DIS3L2: variants seen among roughly 807,000 people sequenced by gnomAD.
DIS3L2 encodes DIS3 like 3'-5' exoribonuclease 2.
Under a neutral mutation model 97.5 loss-of-function variants are expected in DIS3L2, and 34 were observed. The observed-to-expected ratio is 0.35, with a 90% CI of 0.27 to 0.46. The LOEUF is 0.46. Ranked by LOEUF, DIS3L2 falls within the 20% of genes least tolerant of loss-of-function variation. DIS3L2 has a pLI of 1.00. For missense variants in DIS3L2, 1,038 were observed against 1,146.0 expected (o/e 0.91, Z 1.36); for synonymous variants, 435 against 445.2 (o/e 0.98, Z 0.29).
At chr2:232,040,537 C>T (rs1695081535) in intron 5 of DIS3L2, among the ~76,000 whole-genome samples, 1 of 152,158 alleles carries the variant, frequency 6.6e-6, no homozygotes, top group South Asian at 2.1e-4. Context: ...AACCATAGCC[C>T]ATACTTGTCT....
At chr2:232,033,716 T>C (rs1239154395) in intron 5 of DIS3L2, among the ~76,000 whole-genome samples, 2 of 152,228 alleles carry the variant, frequency 1.3e-5, no homozygotes, top group African/African-American at 2.4e-5. Context: ...TCTGCATCTA[T>C]TGAGATAATC....
At chr2:232,287,156 G>A (rs539940665) in intron 13 of DIS3L2, among the ~76,000 whole-genome samples, 7 of 152,292 alleles carry the variant, frequency 4.6e-5, no homozygotes, top group African/African-American at 1.7e-4. Flanking sequence ...CCTCTAGAGA[G>A]ATTACATGGC....
chr2:232,255,699 A>G (rs1693540780), intron 12 of DIS3L2, among the ~76,000 whole-genome samples: 1 of 152,186 alleles, frequency 6.6e-6, no homozygotes, highest in Non-Finnish European at 1.5e-5. Flanking sequence ...ATAATAAAAG[A>G]AGGGTCTCAC....
intron 6 of DIS3L2, among the ~76,000 whole-genome samples, chr2:232,103,581 A>T (rs1697264819): frequency 6.6e-6 from 1 of 152,204 alleles, no homozygotes; most frequent in Admixed American, 6.5e-5. Flanking sequence ...ATTAACATGT[A>T]ATTCAGTTGT....
chr2:232,129,985 C>T (rs545702231), intron 6 of DIS3L2, among the ~76,000 whole-genome samples: 4 of 152,258 alleles, frequency 2.6e-5, no homozygotes, highest in African/African-American at 9.6e-5. Flanking sequence ...CCTCTTTCCT[C>T]AGGAGATGTG....
intron 9 of DIS3L2, among the ~76,000 whole-genome samples, chr2:232,182,434 T>G (rs1691315728): frequency 6.6e-6 from 1 of 152,236 alleles, no homozygotes. Context: ...CTGTTAGATC[T>G]AATTGATTTA....
At chr2:232,223,623 AGAG>A (rs1692563180) in intron 10 of DIS3L2, among the ~76,000 whole-genome samples, 1 of 152,246 alleles carries the variant, frequency 6.6e-6, no homozygotes, top group Non-Finnish European at 1.5e-5. Flanking sequence ...TCCGTATTCC[AGAG>A]GAGAGAATTA....
chr2:232,168,482 C>G (rs186513691), intron 9 of DIS3L2, among the ~76,000 whole-genome samples: 2 of 138,994 alleles, frequency 1.4e-5, no homozygotes, highest in African/African-American at 2.7e-5. Context: ...ATGGACTTTG[C>G]AGTAATCTTT....
At chr2:232,146,090 G>A (rs1401111150) in intron 8 of DIS3L2, among the ~76,000 whole-genome samples, 4 of 152,102 alleles carry the variant, frequency 2.6e-5, no homozygotes, top group African/African-American at 9.7e-5. Context: ...AATGATCTGG[G>A]TATATGCTTT....
At chr2:232,149,538 A>G (rs1470411536) in intron 8 of DIS3L2, among the ~76,000 whole-genome samples, 10 of 149,404 alleles carry the variant, frequency 6.7e-5, no homozygotes, top group Non-Finnish European at 1.3e-4. Context: ...CATCATTTTT[A>G]TGGCTGCATA....
chr2:232,088,029 A>G (rs1696718390), intron 6 of DIS3L2, among the ~76,000 whole-genome samples: 1 of 152,262 alleles, frequency 6.6e-6, no homozygotes, highest in East Asian at 1.9e-4. Flanking sequence ...TGATGTGAAC[A>G]CAATTAAACT....
chr2:232,329,785 T>TCCCCGGGGGGGGGGCCCC, intron 14 of DIS3L2, 28 bp from the exon 15 acceptor site: 17 of 967,122 alleles, frequency 1.8e-5, no homozygotes, highest in East Asian at 3.1e-5. Flanking sequence ...ACCCCAGCGG[T>TCCCCGGGGGGGGGGCCCC]CCCTCCCATC....
Position 232,029,629 on chromosome 2 carries a change from C to A in DIS3L2, c.265-350C>A, listed in dbSNP as rs764171089. Among the ~76,000 whole-genome samples, 3 of 152,108 alleles carry A rather than the reference C, an allele frequency of 2.0e-5. No individual in the cohort carries two copies. In the South Asian group the frequency reaches 6.2e-4, roughly 32 times the overall value. On this transcript the variant is annotated intron_variant, in intron 4 of 20. Transcript: ENST00000325385. ...ACTTAGGTCTCCGTAAAAACAACCA[C>A]AATTTAGTCTCTCTGCCACTTTCTT...
At chr2:232,051,506 A>G (rs938491883) in intron 5 of DIS3L2, among the ~76,000 whole-genome samples, 1 of 152,142 alleles carries the variant, frequency 6.6e-6, no homozygotes, top group African/African-American at 2.4e-5. Context: ...CAAAGCAGAA[A>G]CTTGTTTTCT....
chr2:232,329,186 C>T (rs1695660523), intron 14 of DIS3L2: 1 of 152,476 alleles, frequency 6.6e-6, no homozygotes, highest in Non-Finnish European at 1.5e-5. Context: ...GAGGGCTTCC[C>T]TCCTGCTGCC....
chr2:232,141,398 T>A (rs1028834113), intron 8 of DIS3L2, among the ~76,000 whole-genome samples: 2 of 152,160 alleles, frequency 1.3e-5, no homozygotes, highest in Non-Finnish European at 2.9e-5. Flanking sequence ...GCTGAAGATA[T>A]GTGACATGAA....
chr2:232,246,698 C>T (rs1191915278), intron 11 of DIS3L2, among the ~76,000 whole-genome samples: 2 of 152,234 alleles, frequency 1.3e-5, no homozygotes, highest in Non-Finnish European at 2.9e-5. Context: ...GCACTTCACT[C>T]ACTGTAAAAA....
chr2:232,153,724 T>C (rs1690387254), intron 8 of DIS3L2, among the ~76,000 whole-genome samples: 1 of 147,036 alleles, frequency 6.8e-6, no homozygotes, highest in Admixed American at 6.8e-5. Context: ...GTTCTCTGTA[T>C]TTCCTGAATC....
intron 14 of DIS3L2, among the ~76,000 whole-genome samples, chr2:232,314,487 C>G (rs1695216825): frequency 6.6e-6 from 1 of 152,056 alleles, no homozygotes; most frequent in African/African-American, 2.4e-5. Context: ...CCGAGAATGC[C>G]CCTCACTATT....
Sources: gnomAD v4.1 joint callset for allele counts (sites outside exome capture counted in the v4.1 genomes callset) on GRCh38, gnomAD v4.1.1 for gene constraint, MANE v1.5 for transcripts, NCBI Gene and HGNC (gene_info 2026-07-23, HGNC 2026-07-21) for gene names.